RAB28: variants seen among roughly 807,000 people sequenced by gnomAD.
RAB28 encodes RAB28, member RAS oncogene family.
RAB28 carries 24 observed loss-of-function variants against 31.7 expected under a neutral mutation model. The ratio of observed to expected loss-of-function variants is 0.76; its 90% CI spans 0.55 to 1.06. The LOEUF (loss-of-function observed/expected upper bound fraction) is 1.06. RAB28 is among the 50% of genes least tolerant of loss of function. RAB28 has a pLI of 0.00. For synonymous variants in RAB28, 100 were observed against 90.4 expected (o/e 1.11, Z -0.60); for missense variants, 254 against 258.5 (o/e 0.98, Z 0.12).
intron 4 of RAB28, among the ~76,000 whole-genome samples, chr4:13,399,137 C>A (rs1057148242): frequency 6.6e-6 from 1 of 152,180 alleles, no homozygotes; most frequent in Non-Finnish European, 1.5e-5. Context: ...AGTGGAGCCA[C>A]AACTCACCCC....
chr4:13,377,378 C>G (rs1356329560), intron 5 of RAB28, among the ~76,000 whole-genome samples: 1 of 152,070 alleles, frequency 6.6e-6, no homozygotes, highest in Non-Finnish European at 1.5e-5. Context: ...GAATATTTAT[C>G]AAAACTTTAT....
chr4:13,475,613 T>C (rs1279879560), intron 2 of RAB28, among the ~76,000 whole-genome samples: 1 of 151,574 alleles, frequency 6.6e-6, no homozygotes, highest in Non-Finnish European at 1.5e-5. Flanking sequence ...ACATAGGTTG[T>C]TCCATCTGCC....
At chr4:13,448,709 A>T (rs1714820209) in intron 4 of RAB28, among the ~76,000 whole-genome samples, 1 of 152,110 alleles carries the variant, frequency 6.6e-6, no homozygotes, top group Non-Finnish European at 1.5e-5. Context: ...GATACTACTC[A>T]GCCAATTAAA....
At chr4:13,394,772 C>T (rs781009104) in intron 4 of RAB28, among the ~76,000 whole-genome samples, 3 of 152,022 alleles carry the variant, frequency 2.0e-5, no homozygotes, top group African/African-American at 4.8e-5. Flanking sequence ...ACCAACAGCA[C>T]AATATGATTT....
intron 6 of RAB28, among the ~76,000 whole-genome samples, chr4:13,372,805 G>C (rs147205094): frequency 5.5e-4 from 84 of 152,072 alleles, no homozygotes; most frequent in Non-Finnish European, 9.9e-4. Flanking sequence ...GGTTAAATGG[G>C]TACTTGTACT....
At chr4:13,483,884 G>C (rs1240095338) in intron 1 of RAB28, among the ~76,000 whole-genome samples, 192 bp downstream of exon 1, 2 of 152,194 alleles carry the variant, frequency 1.3e-5, no homozygotes, top group Admixed American at 6.5e-5. Flanking sequence ...TTTTAAGGGG[G>C]AGCTGGACAG....
At chr4:13,428,311 T>G (rs1201756631) in intron 4 of RAB28, among the ~76,000 whole-genome samples, 1 of 151,998 alleles carries the variant, frequency 6.6e-6, no homozygotes, top group East Asian at 1.9e-4. Context: ...TAACAAAGCA[T>G]GAAAACAAGC....
chr4:13,411,660 T>G (rs1019397502), intron 4 of RAB28, among the ~76,000 whole-genome samples: 1 of 152,072 alleles, frequency 6.6e-6, no homozygotes, highest in African/African-American at 2.4e-5. Flanking sequence ...TAAGAGTAAT[T>G]TACTGTTAAA....
At chr4:13,371,822 T>C in intron 6 of RAB28, 1 of 1,547,722 alleles carries the variant, frequency 6.5e-7, no homozygotes. Context: ...CAAAGCACAC[T>C]CGATTATTCT....
At chr4:13,459,348 A>G (rs150170135) in intron 4 of RAB28, among the ~76,000 whole-genome samples, 2,092 of 151,954 alleles carry the variant, frequency 0.014, 23 homozygotes, top group Middle Eastern at 0.044. Context: ...TCCTTAATAA[A>G]CTCCCTTTCA....
chr4:13,388,958 C>T, intron 4 of RAB28, among the ~76,000 whole-genome samples: 1 of 151,970 alleles, frequency 6.6e-6, no homozygotes, highest in Non-Finnish European at 1.5e-5. Context: ...GTATATATCC[C>T]AAAGAACTGA....
chr4:13,447,466 A>T (rs568003829), intron 4 of RAB28, among the ~76,000 whole-genome samples: 7 of 151,782 alleles, frequency 4.6e-5, no homozygotes, highest in African/African-American at 1.2e-4. Context: ...TTTCTGTTAT[A>T]AAAAAAAGAG....
intron 4 of RAB28, among the ~76,000 whole-genome samples, chr4:13,434,069 C>T (rs1328813714): frequency 6.6e-6 from 1 of 152,028 alleles, no homozygotes; most frequent in Admixed American, 6.6e-5. Flanking sequence ...AAACAGAAAA[C>T]CAAATACCAC....
chr4:13,393,669 T>A (rs1729743145), intron 4 of RAB28, among the ~76,000 whole-genome samples: 1 of 151,748 alleles, frequency 6.6e-6, no homozygotes, highest in Non-Finnish European at 1.5e-5. Flanking sequence ...ATTATGACAT[T>A]TTCTTCGGTT....
intron 4 of RAB28, among the ~76,000 whole-genome samples, chr4:13,445,106 C>T (rs1714628753): frequency 6.6e-6 from 1 of 151,848 alleles, no homozygotes; most frequent in African/African-American, 2.4e-5. Flanking sequence ...ATCTTGTCTG[C>T]ATGCCTTATT....
In RAB28 at chr4:13,460,842, G is replaced by A. The variant is rs372255248; in HGVS notation, c.262-14C>T. ...CAAGAGGACTCCCTGTCACAAAAGA[G>A]TTACAAAATATCTGTAATGTATTAT... On this transcript the variant is annotated splice_polypyrimidine_tract_variant and intron_variant, in intron 3 of 6. Coordinates refer to ENST00000330852, the MANE Select transcript of RAB28 (RefSeq NM_001017979.3). 1 of 1,604,986 alleles carries A rather than the reference G, an allele frequency of 6.2e-7. No individual in the cohort carries two copies. Among genetic ancestry groups the A allele is most frequent in the African/African-American group, 1.3e-5 (1 of 74,262 alleles).
At chr4:13,440,402 G>C (rs1469629385) in intron 4 of RAB28, among the ~76,000 whole-genome samples, 2 of 151,782 alleles carry the variant, frequency 1.3e-5, no homozygotes, top group Non-Finnish European at 2.9e-5. Context: ...TCTTTAATTT[G>C]CACAGCATCT....
intron 3 of RAB28, among the ~76,000 whole-genome samples, chr4:13,462,674 A>G (rs1260786506): frequency 6.6e-6 from 1 of 152,148 alleles, no homozygotes; most frequent in African/African-American, 2.4e-5. Flanking sequence ...TCGATATTTG[A>G]GTTAGATGGT....
At chr4:13,389,639 A>G (rs1455180348) in intron 4 of RAB28, among the ~76,000 whole-genome samples, 2 of 152,104 alleles carry the variant, frequency 1.3e-5, no homozygotes, top group Non-Finnish European at 2.9e-5. Flanking sequence ...CATCCATACC[A>G]CCACTCTCAG....
Sources: allele counts gnomAD v4.1 joint callset (sites outside exome capture counted in the v4.1 genomes callset), GRCh38; gene constraint gnomAD v4.1.1; transcripts MANE v1.5; gene names NCBI Gene and HGNC (gene_info 2026-07-23, HGNC 2026-07-21).